CA10: variants seen among roughly 807,000 people sequenced by gnomAD.
CA10 encodes the protein carbonic anhydrase 10 (inactive), also known as carbonic anhydrase-related protein 10.
A neutral mutation model predicts 44.2 loss-of-function variants in CA10; 14 were observed. That is an observed-to-expected ratio of 0.32 (90% CI 0.21 to 0.50). CA10 has a LOEUF of 0.50. CA10 is among the 20% of genes least tolerant of loss of function. The probability of loss-of-function intolerance (pLI) is 0.99; values close to 1 mark genes in which losing one functional copy is unlikely to be tolerated. For synonymous variants in CA10, 159 were observed against 141.6 expected, an observed-to-expected ratio of 1.12 and a Z score of -0.87; for missense variants, 350 against 409.7, an observed-to-expected ratio of 0.85 and a Z score of 1.26.
At chr17:51,667,571 A>G (rs1224914086) in intron 4 of CA10, among the ~76,000 whole-genome samples, 1 of 147,510 alleles carries the variant, frequency 6.8e-6, no homozygotes, top group South Asian at 2.1e-4. Flanking sequence ...GAGCAAGCAA[A>G]AAAAAAAAAA....
At chr17:51,807,693 C>G (rs56285560) in intron 3 of CA10, among the ~76,000 whole-genome samples, 6,888 of 152,250 alleles carry the variant, frequency 0.045, 379 homozygotes, top group African/African-American at 0.13. Context: ...AAAGAATGAA[C>G]TACTGCTTCA....
chr17:52,134,397 C>T (rs1359905120), intron 1 of CA10, among the ~76,000 whole-genome samples: 1 of 152,134 alleles, frequency 6.6e-6, no homozygotes, highest in Non-Finnish European at 1.5e-5. Flanking sequence ...GGTTCAAAGC[C>T]TAGCTCATCC....
chr17:52,007,488 T>C (rs910722170), intron 2 of CA10, among the ~76,000 whole-genome samples: 1 of 151,628 alleles, frequency 6.6e-6, no homozygotes, highest in African/African-American at 2.4e-5. Context: ...ATTGAAGTGA[T>C]TGTGTGATTG....
chr17:51,893,236 T>A (rs1980935594), intron 3 of CA10, among the ~76,000 whole-genome samples: 2 of 152,108 alleles, frequency 1.3e-5, no homozygotes, highest in Non-Finnish European at 2.9e-5. Context: ...CCACACTGGT[T>A]CTGCGTGGGT....
At chr17:51,807,800 T>C (rs1907192729) in intron 3 of CA10, among the ~76,000 whole-genome samples, 1 of 152,158 alleles carries the variant, frequency 6.6e-6, no homozygotes, top group Non-Finnish European at 1.5e-5. Context: ...TTATGTGAAA[T>C]TCAAGAACAG....
In CA10 at chr17:51,700,098, T is replaced by C. The variant is rs538187712; in HGVS notation, c.466-46362A>G. Among the ~76,000 whole-genome samples, 4 of 152,290 alleles carry C rather than the reference T, an allele frequency of 2.6e-5. No homozygotes were observed. In the East Asian group the frequency reaches 7.7e-4, roughly 29 times the overall value. ...GGCCATCAGGTGGTAGGCTGCACGA[T>C]GCTGCAGAGAGAACTAGACTGGGAA... On this transcript the variant is annotated intron_variant, in intron 4 of 8. Transcript: ENST00000451037.
chr17:51,691,918 C>T (rs1000091675), intron 4 of CA10, among the ~76,000 whole-genome samples: 11 of 152,266 alleles, frequency 7.2e-5, no homozygotes, highest in African/African-American at 2.4e-4. Context: ...AAAAAAATCC[C>T]AACCCATGGG....
intron 2 of CA10, among the ~76,000 whole-genome samples, chr17:51,974,401 A>C (rs1392210210): frequency 3.3e-5 from 5 of 150,960 alleles, no homozygotes; most frequent in African/African-American, 4.9e-5. Flanking sequence ...AAAAAAAACA[A>C]AAACAAAAGG....
intron 4 of CA10, among the ~76,000 whole-genome samples, chr17:51,744,078 G>A (rs1275806619): frequency 6.6e-6 from 1 of 152,072 alleles, no homozygotes; most frequent in Non-Finnish European, 1.5e-5. Context: ...TCAGCACTTC[G>A]GGAGGCCGAG....
chr17:51,886,092 T>C (rs1347230630), intron 3 of CA10, among the ~76,000 whole-genome samples: 1 of 152,180 alleles, frequency 6.6e-6, no homozygotes, highest in Non-Finnish European at 1.5e-5. Context: ...AAACTGGACT[T>C]AAGCTGTCTA....
At chr17:51,821,776 C>T (rs1329986660) in intron 3 of CA10, among the ~76,000 whole-genome samples, 1 of 152,126 alleles carries the variant, frequency 6.6e-6, no homozygotes, top group Non-Finnish European at 1.5e-5. Flanking sequence ...CTACTTAATA[C>T]CAAGCTACTT....
chr17:51,882,569 A>G (rs576552230), intron 3 of CA10, among the ~76,000 whole-genome samples: 14 of 152,322 alleles, frequency 9.2e-5, no homozygotes, highest in African/African-American at 3.1e-4. Context: ...AGTCAAGTCT[A>G]TGATGGTAAC....
chr17:51,911,086 T>A (rs1981771229), intron 3 of CA10, among the ~76,000 whole-genome samples: 1 of 152,118 alleles, frequency 6.6e-6, no homozygotes, highest in East Asian at 1.9e-4. Flanking sequence ...ACCTAAAGCA[T>A]TATGTGACAT....
chr17:51,792,802 G>C (rs1303685047), intron 3 of CA10, among the ~76,000 whole-genome samples: 3 of 152,136 alleles, frequency 2.0e-5, no homozygotes, highest in African/African-American at 7.2e-5. Context: ...TATAGCAATA[G>C]AGCAATATTG....
chr17:51,960,332 T>C (rs990116004), intron 2 of CA10, among the ~76,000 whole-genome samples: 1 of 151,888 alleles, frequency 6.6e-6, no homozygotes, highest in African/African-American at 2.4e-5. Context: ...AGGTAAGAGA[T>C]TGGTGCAGAA....
chr17:52,113,378 A>G (rs1440892271), intron 1 of CA10, among the ~76,000 whole-genome samples: 1 of 152,172 alleles, frequency 6.6e-6, no homozygotes, highest in Admixed American at 6.5e-5. Context: ...GGTTAATAAT[A>G]AAAAGGTCAG....
At chr17:52,134,218 C>G (rs1405428436) in intron 1 of CA10, among the ~76,000 whole-genome samples, 1 of 152,204 alleles carries the variant, frequency 6.6e-6, no homozygotes, top group Admixed American at 6.5e-5. Flanking sequence ...GAAAATAATC[C>G]TAAACCTCAA....
chr17:52,113,534 G>A (rs1988830204), intron 1 of CA10, among the ~76,000 whole-genome samples: 1 of 152,168 alleles, frequency 6.6e-6, no homozygotes, highest in African/African-American at 2.4e-5. Context: ...CCCATGAAAA[G>A]TTAAATAGCA....
Position 51,999,807 on chromosome 17 carries a change from T to C in CA10, c.137-68675A>G, listed in dbSNP as rs1445892159. Among the ~76,000 whole-genome samples, 3 of 152,056 alleles carry C rather than the reference T, an allele frequency of 2.0e-5. No individual in the cohort carries two copies. In the East Asian group the frequency reaches 5.8e-4, roughly 30 times the overall value. On this transcript the variant is annotated intron_variant, in intron 2 of 8. Transcript: ENST00000451037. ...ACTGCTTTACATGTGGGCTTCAGGC[T>C]CTAGCACCAAGACACAGAAGCAGTA...
Sources: allele counts gnomAD v4.1 joint callset (sites outside exome capture counted in the v4.1 genomes callset), GRCh38; gene constraint gnomAD v4.1.1; transcripts MANE v1.5; gene names NCBI Gene and HGNC (gene_info 2026-07-23, HGNC 2026-07-21).